The following PDGFC variants were observed in gnomAD, a reference collection of about 807,000 sequenced individuals.
PDGFC encodes platelet-derived growth factor C.
In PDGFC, 12 loss-of-function variants were observed where a neutral mutation model predicts 35.5. That is an observed-to-expected ratio of 0.34 (90% CI 0.22 to 0.55). The LOEUF (loss-of-function observed/expected upper bound fraction) is 0.55, where lower values mean the gene tolerates loss of function less well. PDGFC is among the 20% of genes least tolerant of loss of function. The pLI is 0.91. For synonymous variants in PDGFC, 159 were observed against 148.8 expected (o/e 1.07, Z -0.50); for missense variants, 322 against 412.4 (o/e 0.78, Z 1.90).
At chr4:156,819,723 G>A (rs186173997) in intron 2 of PDGFC, among the ~76,000 whole-genome samples, 5 of 152,240 alleles carry the variant, frequency 3.3e-5, no homozygotes, top group Admixed American at 3.3e-4. Context: ...TGCAGTCCAT[G>A]GGCCAAGGAG....
chr4:156,802,417 A>C (rs1731637239), intron 3 of PDGFC, among the ~76,000 whole-genome samples: 1 of 152,130 alleles, frequency 6.6e-6, no homozygotes, highest in Non-Finnish European at 1.5e-5. Context: ...TAAAAGAATG[A>C]CTAAAAATCT....
At chr4:156,944,107 A>T (rs1181881806) in intron 1 of PDGFC, among the ~76,000 whole-genome samples, 1 of 152,160 alleles carries the variant, frequency 6.6e-6, no homozygotes, top group East Asian at 1.9e-4. Flanking sequence ...TGTAACGATT[A>T]AAGGCATGTG....
intron 4 of PDGFC, among the ~76,000 whole-genome samples, chr4:156,769,754 C>T (rs543082569): frequency 4.6e-5 from 7 of 152,068 alleles, no homozygotes; most frequent in African/African-American, 1.7e-4. Context: ...ACATATTTTA[C>T]CTGGTTTCAT....
At chr4:156,885,925 C>A (rs1462362515) in intron 1 of PDGFC, among the ~76,000 whole-genome samples, 2 of 152,104 alleles carry the variant, frequency 1.3e-5, no homozygotes, top group Non-Finnish European at 2.9e-5. Context: ...CCTCTATCCT[C>A]CCTATTTACA....
In PDGFC at chr4:156,772,900, G is replaced by C. The variant is rs996299201; in HGVS notation, c.496-7C>G. 1 of 1,590,080 alleles carries C rather than the reference G, an allele frequency of 6.3e-7. No individual in the cohort carries two copies. Among genetic ancestry groups the C allele is most frequent in the African/African-American group, 1.3e-5 (1 of 74,374 alleles). On this transcript the variant is annotated splice_polypyrimidine_tract_variant and splice_region_variant and intron_variant, in intron 3 of 5. Transcript: ENST00000502773. ...TCACAGCTTCTGTGAATTGCTGAAA[G>C]TAAAATGAATCCTGTGTTAACTGTT...
chr4:156,959,853 G>GT (rs1732298261), intron 1 of PDGFC, among the ~76,000 whole-genome samples: 1 of 151,858 alleles, frequency 6.6e-6, no homozygotes. Flanking sequence ...AGTTCTAAAA[G>GT]GAAACCATTT....
chr4:156,794,987 C>A (rs1025842188), intron 3 of PDGFC, among the ~76,000 whole-genome samples: 5 of 152,140 alleles, frequency 3.3e-5, no homozygotes, highest in Admixed American at 2.6e-4. Context: ...CCTGGTTTAA[C>A]CACTTCTCCT....
chr4:156,943,239 A>G (rs1484099959), intron 1 of PDGFC, among the ~76,000 whole-genome samples: 9 of 152,076 alleles, frequency 5.9e-5, no homozygotes, highest in Admixed American at 5.2e-4. Flanking sequence ...GGGAATTAAT[A>G]CCTATGATGT....
In PDGFC at chr4:156,940,070, C is replaced by T. The variant is rs1445461546; in HGVS notation, c.118+30716G>A. Among the ~76,000 whole-genome samples, 5 of 152,000 alleles carry T rather than the reference C, an allele frequency of 3.3e-5. No homozygotes were observed. In the South Asian group the frequency reaches 8.3e-4, roughly 25 times the overall value. Reference sequence around the variant, plus strand: ...CAAGTAGATTAGTCACATATGAAAGCGTTTAATTGCTCAACAATGTGAATT... The same window carrying T: ...CAAGTAGATTAGTCACATATGAAAGTGTTTAATTGCTCAACAATGTGAATT... On this transcript the variant is annotated intron_variant, in intron 1 of 5. Coordinates refer to ENST00000502773, the MANE Select transcript of PDGFC (RefSeq NM_016205.3).
chr4:156,967,444 T>C (rs995793411), intron 1 of PDGFC: 1 of 152,032 alleles, frequency 6.6e-6, no homozygotes, highest in Non-Finnish European at 1.5e-5. Context: ...ATACAATAAC[T>C]GATGTTAATA....
chr4:156,828,861 G>T (rs1191467844), intron 2 of PDGFC, among the ~76,000 whole-genome samples: 1 of 152,036 alleles, frequency 6.6e-6, no homozygotes, highest in Admixed American at 6.6e-5. Flanking sequence ...CCAAAAAAAT[G>T]CAGACTCCAG....
intron 2 of PDGFC, among the ~76,000 whole-genome samples, chr4:156,843,655 C>T (rs1729258312): frequency 1.3e-5 from 2 of 152,068 alleles, no homozygotes; most frequent in Non-Finnish European, 2.9e-5. Flanking sequence ...CTGTCTTTTT[C>T]CTGCCATCAT....
At chr4:156,902,673 T>C (rs1307732768) in intron 1 of PDGFC, among the ~76,000 whole-genome samples, 1 of 152,154 alleles carries the variant, frequency 6.6e-6, no homozygotes, top group Non-Finnish European at 1.5e-5. Flanking sequence ...TTTACCACAG[T>C]TTACTCATAC....
intron 1 of PDGFC, among the ~76,000 whole-genome samples, chr4:156,923,490 A>T (rs1306967737): frequency 1.3e-5 from 2 of 152,182 alleles, no homozygotes; most frequent in East Asian, 3.8e-4. Context: ...AACAATTCTA[A>T]TTACTAAAAC....
chr4:156,965,752 ACCCCTTCTTACT>A (rs1451818879), intron 1 of PDGFC, among the ~76,000 whole-genome samples: 2 of 151,900 alleles, frequency 1.3e-5, no homozygotes, highest in Admixed American at 1.3e-4. Context: ...AAGAAGCCAT[ACCCCTTCTTACT>A]CCAGGTCCTT....
chr4:156,783,972 T>G (rs542482539), intron 3 of PDGFC, among the ~76,000 whole-genome samples: 4 of 152,176 alleles, frequency 2.6e-5, no homozygotes, highest in African/African-American at 9.6e-5. Context: ...GGGAATGCAT[T>G]AACAGTGACA....
chr4:156,931,813 T>C (rs1001081382), intron 1 of PDGFC, among the ~76,000 whole-genome samples: 1 of 146,732 alleles, frequency 6.8e-6, no homozygotes, highest in African/African-American at 2.5e-5. Context: ...TTTATAGGAG[T>C]TTTTTTTTTG....
chr4:156,861,473 T>C (rs2111114425), intron 1 of PDGFC: 1 of 1,258,468 alleles, frequency 7.9e-7, no homozygotes, highest in African/African-American at 1.5e-5. Flanking sequence ...GTCCAGATGC[T>C]TGGATATAGT....
intron 1 of PDGFC, among the ~76,000 whole-genome samples, chr4:156,866,909 G>A (rs554655191): frequency 6.6e-6 from 1 of 152,106 alleles, no homozygotes; most frequent in South Asian, 2.1e-4. Flanking sequence ...AATCTTCCTT[G>A]GAGTCAGACT....
Sources: allele counts gnomAD v4.1 joint callset (sites outside exome capture counted in the v4.1 genomes callset), GRCh38; gene constraint gnomAD v4.1.1; transcripts MANE v1.5; gene names NCBI Gene and HGNC (gene_info 2026-07-23, HGNC 2026-07-21).